TOM1L2: variants seen among roughly 807,000 people sequenced by gnomAD.
TOM1L2 encodes the protein TOM1-like protein 2.
TOM1L2 carries 31 observed loss-of-function variants against 67.9 expected under a neutral mutation model. The observed-to-expected ratio is 0.46, with a 90% confidence interval of 0.34 to 0.62. The LOEUF (loss-of-function observed/expected upper bound fraction) is 0.62, where lower values mean the gene tolerates loss of function less well. Ranked by LOEUF, TOM1L2 falls within the 20% of genes least tolerant of loss-of-function variation. TOM1L2 has a pLI of 0.01. For missense variants in TOM1L2, 606 were observed against 663.5 expected (o/e 0.91, Z 0.95); for synonymous variants, 256 against 254.0 (o/e 1.01, Z -0.07).
chr17:17,907,554 G>C, intron 1 of TOM1L2, 23 bp from the exon 2 acceptor site: 12 of 1,608,700 alleles, frequency 7.5e-6, no homozygotes, highest in African/African-American at 1.3e-5. Flanking sequence ...AGAGAAAATG[G>C]GTTTACATTT....
At chr17:17,926,585 T>TG (rs1488680040) in intron 1 of TOM1L2, among the ~76,000 whole-genome samples, 1 of 152,166 alleles carries the variant, frequency 6.6e-6, no homozygotes, top group Non-Finnish European at 1.5e-5. Context: ...TATTTGGGCC[T>TG]GGTGTGATGG....
intron 5 of TOM1L2, 131 bp from the exon 6 acceptor site, chr17:17,882,994 C>T: frequency 9.0e-7 from 1 of 1,108,958 alleles, no homozygotes; most frequent in Non-Finnish European, 1.3e-6. Flanking sequence ...TCCACTGCTG[C>T]CCGGGTGAGG....
At chr17:17,879,889 C>A (rs2037628115) in intron 6 of TOM1L2, 146 bp from the exon 7 acceptor site, 1 of 722,038 alleles carries the variant, frequency 1.4e-6, no homozygotes, top group South Asian at 1.6e-5. Context: ...ACTGCAGAGG[C>A]CACCTTCTCA....
chr17:17,907,634 G>A (rs756607757), intron 1 of TOM1L2, 103 bp from the exon 2 acceptor site: 12 of 978,148 alleles, frequency 1.2e-5, no homozygotes, highest in Non-Finnish European at 1.7e-5. Flanking sequence ...CTCCCAAGCA[G>A]ATGGGCTGAG....
At chr17:17,953,501 G>T (rs1483378982) in intron 1 of TOM1L2, among the ~76,000 whole-genome samples, 1 of 152,118 alleles carries the variant, frequency 6.6e-6, no homozygotes, top group Non-Finnish European at 1.5e-5. Flanking sequence ...CCTGCAAAAG[G>T]CGTCACCAAC....
chr17:17,904,745 A>G (rs141957116), intron 2 of TOM1L2, among the ~76,000 whole-genome samples: 266 of 152,178 alleles, frequency 1.7e-3, no homozygotes, highest in Non-Finnish European at 4.3e-4. Flanking sequence ...CGCTCCCCCA[A>G]TGTCACCCTG....
chr17:17,947,612 G>T (rs963729445), intron 1 of TOM1L2, among the ~76,000 whole-genome samples: 1 of 152,196 alleles, frequency 6.6e-6, no homozygotes, highest in Non-Finnish European at 1.5e-5. Context: ...CCAGAACTAT[G>T]AGAAAATAAG....
intron 1 of TOM1L2, among the ~76,000 whole-genome samples, chr17:17,961,602 G>A (rs561773232): frequency 4.1e-4 from 62 of 152,056 alleles, no homozygotes; most frequent in Admixed American, 1.7e-3. Context: ...GGCCGGGCAC[G>A]GTGGCTTACA....
At position 17,882,687 on chromosome 17, in the gene TOM1L2, C is replaced by T. The variant is rs774529386; in HGVS notation, c.660+18G>A. On this transcript the variant is annotated intron_variant, in intron 6 of 14. Coordinates refer to ENST00000379504, the MANE Select transcript of TOM1L2 (RefSeq NM_001082968.2). ...GATAGTCAGCTGGCTTGCCTATGGC[C>T]CCGAAGTATGCAAGTACCTGTTCTG... is the stretch of plus-strand genomic sequence containing the variant. The T allele has an allele frequency of 6.2e-7, 1 of 1,612,018 alleles. No individual in the cohort carries two copies.
intron 1 of TOM1L2, among the ~76,000 whole-genome samples, chr17:17,961,543 C>G (rs960234769): frequency 6.6e-6 from 1 of 151,806 alleles, no homozygotes; most frequent in African/African-American, 2.4e-5. Flanking sequence ...CCACTGTACT[C>G]TAGCCTGGGT....
chr17:17,900,192 G>A (rs1033679456), intron 2 of TOM1L2, among the ~76,000 whole-genome samples: 4 of 151,934 alleles, frequency 2.6e-5, no homozygotes, highest in African/African-American at 7.3e-5. Context: ...CAGCCTGGGC[G>A]ACAAGAGTGA....
chr17:17,912,918 C>T (rs1244446021), intron 1 of TOM1L2, among the ~76,000 whole-genome samples: 1 of 152,242 alleles, frequency 6.6e-6, no homozygotes, highest in African/African-American at 2.4e-5. Flanking sequence ...GTGAACGAGA[C>T]TCCGTCTGCA....
intron 12 of TOM1L2, among the ~76,000 whole-genome samples, chr17:17,861,042 C>T (rs1381441311): frequency 1.3e-5 from 2 of 152,202 alleles, no homozygotes; most frequent in Non-Finnish European, 2.9e-5. Flanking sequence ...CTTCCTGGTG[C>T]AGGCCATGGT....
chr17:17,929,376 G>A (rs1299116003), intron 1 of TOM1L2, among the ~76,000 whole-genome samples: 4 of 152,142 alleles, frequency 2.6e-5, no homozygotes, highest in Non-Finnish European at 5.9e-5. Flanking sequence ...GGTGGCTCAC[G>A]CCTGTAATCC....
rs573104536 is a variant in TOM1L2, at chr17:17,919,588, A to T, written c.53-12057T>A. ...AAAACTCCAAGAGGTCTTAGAGACC[A>T]TCTAGTAAAAAGATTCCCCATAAGT... On this transcript the variant is annotated intron_variant, in intron 1 of 14. Transcript: ENST00000379504. Among the ~76,000 whole-genome samples, 21 of 152,338 alleles carry T rather than the reference A, an allele frequency of 1.4e-4. No homozygotes were observed. The East Asian group carries it at 4.1e-3, about 29-fold the overall frequency.
At chr17:17,860,510 T>C (rs1053647327) in intron 12 of TOM1L2, among the ~76,000 whole-genome samples, 1 of 152,224 alleles carries the variant, frequency 6.6e-6, no homozygotes, top group African/African-American at 2.4e-5. Context: ...CCAGCACTGC[T>C]GCCTGCCTGG....
At chr17:17,971,643 A>C (rs1222796156) in intron 1 of TOM1L2, among the ~76,000 whole-genome samples, 1 of 152,238 alleles carries the variant, frequency 6.6e-6, no homozygotes, top group East Asian at 1.9e-4. Flanking sequence ...GTTTGGGAGA[A>C]CTGGGTCCTT....
At chr17:17,921,777 T>C (rs1007766988) in intron 1 of TOM1L2, among the ~76,000 whole-genome samples, 9 of 152,170 alleles carry the variant, frequency 5.9e-5, no homozygotes, top group African/African-American at 2.2e-4. Context: ...GATTCACCTG[T>C]CCTGTCTTCC....
At chr17:17,851,039 A>G in intron 12 of TOM1L2, 87 bp from the exon 13 acceptor site, 1 of 1,494,076 alleles carries the variant, frequency 6.7e-7, no homozygotes, top group Non-Finnish European at 9.3e-7. Context: ...AATCATCAAC[A>G]GCAACCCCAA....
Sources: gnomAD v4.1 joint callset for allele counts (sites outside exome capture counted in the v4.1 genomes callset) on GRCh38, gnomAD v4.1.1 for gene constraint, MANE v1.5 for transcripts, NCBI Gene and HGNC (gene_info 2026-07-23, HGNC 2026-07-21) for gene names.